The following ARHGEF18 variants were observed in gnomAD, a reference collection of about 807,000 sequenced individuals.
The protein encoded by ARHGEF18 is Rho/Rac guanine nucleotide exchange factor 18.
ARHGEF18 carries 93 observed loss-of-function variants against 155.7 expected under a neutral mutation model. The ratio of observed to expected loss-of-function variants is 0.60; its 90% CI spans 0.50 to 0.71. The LOEUF is 0.71. Among genes scored for constraint, ARHGEF18 ranks in the 30% least tolerant of loss-of-function variants. The pLI is 0.00. For synonymous variants in ARHGEF18, 742 were observed against 753.1 expected (o/e 0.99, Z 0.24); for missense variants, 1,593 against 1,816.1 (o/e 0.88, Z 2.23).
In ARHGEF18 at chr19:7,375,870, G is replaced by A; in HGVS notation, c.426G>A (p.Lys142=). Residue 142 remains lysine (K), a splice_region_variant and synonymous_variant, in exon 4 of 29, where the codon AAG becomes AAA. Coordinates refer to ENST00000668164, the MANE Select transcript of ARHGEF18 (RefSeq NM_001367823.1). ...GGGTPAESPG[K]ECDSPKKRGR... ...GGACCCCCGCAGAGAGCCCAGGCAAGGTGGGTATAACCTGCAGCCACCCCT... is the reference window on the plus strand; with the variant it reads ...GGACCCCCGCAGAGAGCCCAGGCAAAGTGGGTATAACCTGCAGCCACCCCT... The A allele has an allele frequency of 8.1e-7, 1 of 1,234,430 alleles. No homozygotes were observed. Among genetic ancestry groups the A allele is most frequent in the Non-Finnish European group, 1.0e-6 (1 of 988,212 alleles). 76.5% of individuals were successfully genotyped at this position (1,234,430 alleles called of 1,614,324 possible).
rs913316825 is a variant in ARHGEF18 at position 7,467,660 on chromosome 19, G to C, written c.3456G>C (p.Ala1152=). ...RLKKQNTAPG[A]LPPDTLAEAQ... ...AGAAGCAGAACACCGCGCCAGGCGC[G>C]CTGCCGCCCGACACACTGGCCGAGG... is the stretch of plus-strand genomic sequence containing the variant. Residue 1152 remains alanine, a synonymous_variant, in exon 26 of 29, where the codon GCG becomes GCC. Transcript: ENST00000668164. 7 of 1,512,240 alleles carry C rather than the reference G, an allele frequency of 4.6e-6. No homozygotes were observed. Among genetic ancestry groups the C allele is most frequent in the African/African-American group, 1.4e-5 (1 of 70,774 alleles). The allele number at this position is 1,512,240 out of a possible 1,614,324, so 93.7% of individuals were successfully genotyped here.
At chr19:7,459,148 G>A (rs1406611971) in intron 19 of ARHGEF18, among the ~76,000 whole-genome samples, 1 of 151,980 alleles carries the variant, frequency 6.6e-6, no homozygotes, top group African/African-American at 2.4e-5. Flanking sequence ...AGGTTCAAAC[G>A]ATTCTGCTGC....
intron 10 of ARHGEF18, among the ~76,000 whole-genome samples, chr19:7,416,553 G>A: frequency 6.7e-6 from 1 of 149,406 alleles, no homozygotes; most frequent in African/African-American, 2.5e-5. Flanking sequence ...GTGTGTGTGT[G>A]TGTGTGTGTG....
rs1026209537 is a variant in ARHGEF18 at position 7,439,628 on chromosome 19, G to A, written c.968-716G>A. 2.1e-5 allele frequency: 23 copies of A among 1,073,086 alleles called. No homozygotes were observed. In the South Asian group the frequency reaches 5.8e-4, roughly 27 times the overall value. 66.5% of individuals were successfully genotyped at this position (1,073,086 alleles called of 1,614,324 possible). ...ATAATCACCATATGGAACAGAATCG[G>A]AGCCTCGCGTCCACTTCGATGCTAG... On this transcript the variant is annotated intron_variant, in intron 10 of 28. Coordinates refer to ENST00000668164, the MANE Select transcript of ARHGEF18 (RefSeq NM_001367823.1).
intron 10 of ARHGEF18, among the ~76,000 whole-genome samples, chr19:7,397,536 A>G (rs947628311): frequency 2.6e-5 from 4 of 151,990 alleles, no homozygotes; most frequent in Non-Finnish European, 4.4e-5. Context: ...GATTGAGACC[A>G]TCCTGGCTAA....
chr19:7,412,790 G>A (rs1333158894), intron 10 of ARHGEF18, among the ~76,000 whole-genome samples: 1 of 151,816 alleles, frequency 6.6e-6, no homozygotes, highest in Non-Finnish European at 1.5e-5. Context: ...CTTAGTGGGT[G>A]TGAAGTGGGC....
intron 7 of ARHGEF18, among the ~76,000 whole-genome samples, chr19:7,380,554 C>T (rs1465895336): frequency 1.3e-5 from 2 of 151,526 alleles, no homozygotes; most frequent in South Asian, 2.1e-4. Context: ...CATGGTGGCA[C>T]ATGCCTATAG....
At chr19:7,376,556 G>T (rs1435362012) in intron 4 of ARHGEF18, 87 bp from the exon 5 acceptor site, 1 of 776,386 alleles carries the variant, frequency 1.3e-6, no homozygotes. Flanking sequence ...AGGTGGCCCT[G>T]GCTGTGGGTT....
At position 7,470,078 on chromosome 19, in the gene ARHGEF18, G is replaced by T. The variant is rs1400715134; in HGVS notation, c.3914-48G>T. ...AGCCCAGTCCCAGGGCAGCGGGGCT[G>T]CGGCACCACCCGGCGACTGCTCAGT... is the stretch of plus-strand genomic sequence containing the variant. On this transcript the variant is annotated intron_variant, in intron 28 of 28. Transcript: ENST00000668164. The surrounding 1 kb of genome is among the most constrained non-coding windows in gnomAD (Gnocchi z 5.9). 1 of 1,611,488 alleles carries T rather than the reference G, an allele frequency of 6.2e-7. No individual in the cohort carries two copies. The highest frequency in any genetic ancestry group is 1.1e-5 in the South Asian group (1 of 90,982).
In ARHGEF18 at chr19:7,472,447, C is replaced by G; in HGVS notation, c.*2149C>G. On this transcript the variant is annotated 3_prime_UTR_variant, in exon 29 of 29. Coordinates refer to ENST00000668164, the MANE Select transcript of ARHGEF18 (RefSeq NM_001367823.1). ...TTCTGACCCGCTTTAGAACTTAAGA[C>G]CTGATTCTAGCAATAAACGTGTCCG... is the stretch of plus-strand genomic sequence containing the variant. 6.3e-6 allele frequency: 1 copy of G among 159,016 alleles called. No homozygotes were observed. The highest frequency in any genetic ancestry group is 1.4e-5 in the Non-Finnish European group (1 of 71,316). 9.9% of individuals were successfully genotyped at this position (159,016 alleles called of 1,614,324 possible).
At chr19:7,473,971 A>G (rs1293906787), downstream of ARHGEF18, among the ~76,000 whole-genome samples, 1 of 151,530 alleles carries the variant, frequency 6.6e-6, no homozygotes, top group Non-Finnish European at 1.5e-5. Flanking sequence ...CAACATGGTG[A>G]GACCCTGTCT....
At chr19:7,361,893 G>C (rs1600180963) in intron 1 of ARHGEF18, among the ~76,000 whole-genome samples, 1 of 151,796 alleles carries the variant, frequency 6.6e-6, no homozygotes, top group Non-Finnish European at 1.5e-5. Flanking sequence ...TCAGGAGGCT[G>C]AGGCAGGAGA....
At chr19:7,428,524 AT>A (rs568859523) in intron 10 of ARHGEF18, among the ~76,000 whole-genome samples, 55 of 148,472 alleles carry the variant, frequency 3.7e-4, no homozygotes, top group African/African-American at 7.9e-4. Flanking sequence ...TTCTGAAGAG[AT>A]TTTTTTTTTT....
intron 10 of ARHGEF18, among the ~76,000 whole-genome samples, chr19:7,397,456 G>T (rs1441979431): frequency 6.6e-6 from 1 of 151,704 alleles, no homozygotes; most frequent in Non-Finnish European, 1.5e-5. Flanking sequence ...TTTGGGCCGG[G>T]TGCGGTGGCT....
chr19:7,422,471 C>T (rs1973414228), intron 10 of ARHGEF18, among the ~76,000 whole-genome samples: 1 of 151,878 alleles, frequency 6.6e-6, no homozygotes, highest in African/African-American at 2.4e-5. Context: ...GACTTTCCCT[C>T]ATCCTTCTTT....
At chr19:7,467,975 G>A (rs541806766) in intron 26 of ARHGEF18, among the ~76,000 whole-genome samples, 65 of 152,314 alleles carry the variant, frequency 4.3e-4, no homozygotes, top group African/African-American at 1.3e-3. Context: ...GGAGGCAGGC[G>A]GATTGCTTGA....
downstream of ARHGEF18, among the ~76,000 whole-genome samples, chr19:7,475,103 C>CGG (rs1695054832): frequency 6.6e-6 from 1 of 152,116 alleles, no homozygotes; most frequent in African/African-American, 2.4e-5. Flanking sequence ...CATGCTTGGG[C>CGG]GTGCCTGTAG....
chr19:7,459,158 C>T (rs999624140), intron 19 of ARHGEF18, among the ~76,000 whole-genome samples: 1 of 152,194 alleles, frequency 6.6e-6, no homozygotes, highest in African/African-American at 2.4e-5. Flanking sequence ...GATTCTGCTG[C>T]CTCAGCCTCC....
chr19:7,375,634 G>A (rs1275838580), intron 3 of ARHGEF18, 86 bp from the exon 4 acceptor site: 3 of 1,214,930 alleles, frequency 2.5e-6, no homozygotes, highest in Non-Finnish European at 3.1e-6. Context: ...CCCCTTGCAT[G>A]TTCTTTCAAG....
Sources: gnomAD v4.1 joint callset for allele counts (sites outside exome capture counted in the v4.1 genomes callset) on GRCh38, gnomAD v4.1.1 for gene constraint, Gnocchi (gnomAD v3.1) non-coding constraint, MANE v1.5 for transcripts, NCBI Gene and HGNC (gene_info 2026-07-23, HGNC 2026-07-21) for gene names.